Variants in CGNL1 observed in about 807,000 individuals in gnomAD.
CGNL1 encodes the protein cingulin like 1, also known as cingulin-like protein 1.
Under a neutral mutation model 141.2 loss-of-function variants are expected in CGNL1, and 132 were observed. The observed-to-expected ratio is 0.93, with a 90% CI of 0.81 to 1.08. The LOEUF is 1.08. Among genes scored for constraint, CGNL1 ranks in the 50% least tolerant of loss-of-function variants. CGNL1 has a pLI of 0.00. For missense variants in CGNL1, 1,870 were observed against 1,588.6 expected (o/e 1.18, Z -3.01); for synonymous variants, 690 against 622.1 (o/e 1.11, Z -1.63).
intron 14 of CGNL1, among the ~76,000 whole-genome samples, chr15:57,534,393 T>C (rs1040904803): frequency 1.3e-5 from 2 of 152,244 alleles, no homozygotes; most frequent in Admixed American, 1.3e-4. Flanking sequence ...GCTTCTCTTC[T>C]GGCCTTTGCT....
chr15:57,486,802 A>G (rs1224983016), intron 8 of CGNL1, among the ~76,000 whole-genome samples: 5 of 152,220 alleles, frequency 3.3e-5, no homozygotes, highest in Non-Finnish European at 7.3e-5. Flanking sequence ...GAGAAAGGCT[A>G]GGCTGAAGCT....
At chr15:57,392,457 G>A (rs1297791824) in intron 1 of CGNL1, among the ~76,000 whole-genome samples, 1 of 152,140 alleles carries the variant, frequency 6.6e-6, no homozygotes, top group Admixed American at 6.6e-5. Flanking sequence ...ATGAATGAAT[G>A]TTTAGGTCAA....
chr15:57,390,626 G>C (rs984613083), intron 1 of CGNL1, among the ~76,000 whole-genome samples: 5 of 152,264 alleles, frequency 3.3e-5, no homozygotes, highest in Admixed American at 6.5e-5. Flanking sequence ...TAGCCTTTTG[G>C]GAGCTTGCGA....
chr15:57,440,524 C>G, intron 3 of CGNL1, 53 bp downstream of exon 3: 1 of 1,345,560 alleles, frequency 7.4e-7, no homozygotes, highest in African/African-American at 1.5e-5. Context: ...TGGTGGGACT[C>G]TTAATTTCCT....
chr15:57,517,704 G>C (rs1447599125), intron 9 of CGNL1, among the ~76,000 whole-genome samples: 1 of 152,198 alleles, frequency 6.6e-6, no homozygotes, highest in Non-Finnish European at 1.5e-5. Flanking sequence ...GAACTGACTG[G>C]CCAGAGGGGG....
At chr15:57,488,214 C>T (rs1480583504) in intron 8 of CGNL1, among the ~76,000 whole-genome samples, 1 of 152,120 alleles carries the variant, frequency 6.6e-6, no homozygotes, top group South Asian at 2.1e-4. Flanking sequence ...GGAGAGCTAT[C>T]TGTTCAGATT....
intron 17 of CGNL1, 139 bp from the exon 18 acceptor site, chr15:57,545,937 C>A: frequency 2.0e-6 from 2 of 986,270 alleles, no homozygotes; most frequent in Non-Finnish European, 3.0e-6. Context: ...AGTGCCTGCT[C>A]TCCATGTTTC....
chr15:57,457,266 T>C (rs1369864505), intron 7 of CGNL1, among the ~76,000 whole-genome samples: 2 of 152,188 alleles, frequency 1.3e-5, no homozygotes, highest in Non-Finnish European at 1.5e-5. Context: ...TAGAGCTTTT[T>C]GTGAGCAAAT....
At chr15:57,485,959 G>A (rs182624891) in intron 8 of CGNL1, among the ~76,000 whole-genome samples, 79 of 152,302 alleles carry the variant, frequency 5.2e-4, no homozygotes, top group African/African-American at 1.7e-3. Context: ...GGCCCCTAGA[G>A]AAATTCAAAG....
At chr15:57,428,134 C>T (rs1212418937) in intron 1 of CGNL1, among the ~76,000 whole-genome samples, 1 of 152,224 alleles carries the variant, frequency 6.6e-6, no homozygotes, top group Admixed American at 6.5e-5. Flanking sequence ...GACACTTCCA[C>T]TGAGCTCTGA....
intron 1 of CGNL1, among the ~76,000 whole-genome samples, chr15:57,409,608 C>T (rs2062763242): frequency 6.6e-6 from 1 of 151,986 alleles, no homozygotes; most frequent in African/African-American, 2.4e-5. Flanking sequence ...AGGAAGAAAT[C>T]ACTAACTGAT....
intron 8 of CGNL1, among the ~76,000 whole-genome samples, chr15:57,507,418 G>GT (rs1321646460): frequency 6.6e-6 from 1 of 152,070 alleles, no homozygotes; most frequent in African/African-American, 2.4e-5. Flanking sequence ...ATCTTAACTA[G>GT]TTTTTTTAAA....
chr15:57,408,809 C>T (rs969002043), intron 1 of CGNL1, among the ~76,000 whole-genome samples: 3 of 151,926 alleles, frequency 2.0e-5, no homozygotes, highest in Non-Finnish European at 2.9e-5. Context: ...GCCGAGGCAG[C>T]GGGATGGATC....
chr15:57,509,040 A>T (rs1032061657), intron 8 of CGNL1, among the ~76,000 whole-genome samples: 3 of 152,154 alleles, frequency 2.0e-5, no homozygotes, highest in African/African-American at 7.2e-5. Flanking sequence ...GAAGCTGAAG[A>T]CACAATATGG....
intron 1 of CGNL1, among the ~76,000 whole-genome samples, chr15:57,392,765 T>C (rs2152233934): frequency 6.6e-6 from 1 of 152,314 alleles, no homozygotes; most frequent in Admixed American, 6.5e-5. Context: ...GTTAACTGTG[T>C]TAATAGTCTG....
At chr15:57,396,777 A>T (rs187750148) in intron 1 of CGNL1, 313 of 152,238 alleles carry the variant, frequency 2.1e-3, no homozygotes, top group African/African-American at 7.3e-3. Flanking sequence ...GTGTAGTAGA[A>T]TCCATATCAA....
intron 1 of CGNL1, among the ~76,000 whole-genome samples, chr15:57,422,189 C>T (rs1277115556): frequency 6.6e-6 from 1 of 151,116 alleles, no homozygotes; most frequent in Non-Finnish European, 1.5e-5. Context: ...CCTTTTTTCT[C>T]TTCAGTTTTT....
intron 1 of CGNL1, among the ~76,000 whole-genome samples, chr15:57,435,970 T>C (rs748819064): frequency 6.6e-6 from 1 of 152,066 alleles, no homozygotes; most frequent in Non-Finnish European, 1.5e-5. Flanking sequence ...ACAATACAGG[T>C]AGAGATTAGC....
At chr15:57,383,521 A>G (rs1412027484) in intron 1 of CGNL1, among the ~76,000 whole-genome samples, 1 of 151,866 alleles carries the variant, frequency 6.6e-6, no homozygotes, top group African/African-American at 2.4e-5. Flanking sequence ...GATGGTCTCT[A>G]TCTCCTGACC....
Sources: gnomAD v4.1 joint callset for allele counts (sites outside exome capture counted in the v4.1 genomes callset) on GRCh38, gnomAD v4.1.1 for gene constraint, MANE v1.5 for transcripts, NCBI Gene and HGNC (gene_info 2026-07-23, HGNC 2026-07-21) for gene names.